The following RPE variants were observed in gnomAD, a reference collection of about 807,000 sequenced individuals.
The protein encoded by RPE is ribulose-5-phosphate-3-epimerase.
A neutral mutation model predicts 24.6 loss-of-function variants in RPE; 16 were observed. That is an observed-to-expected ratio of 0.65 (90% CI 0.44 to 0.99). The LOEUF is 0.99. Ranked by LOEUF, RPE falls within the 50% of genes least tolerant of loss-of-function variation. The pLI, the probability that RPE is intolerant of heterozygous loss-of-function variation, is 0.00. For missense variants in RPE, 240 were observed against 294.5 expected, an observed-to-expected ratio of 0.81 and a Z score of 1.35; for synonymous variants, 93 against 98.4, an observed-to-expected ratio of 0.94 and a Z score of 0.33.
chr2:210,021,969 A>C lies in RPE; in HGVS notation c.*2178A>C. 1 of 151,640 alleles carries C rather than the reference A, an allele frequency of 6.6e-6. No individual in the cohort carries two copies. The highest frequency in any genetic ancestry group is 1.5e-5 in the Non-Finnish European group (1 of 67,862). The allele number at this position is 151,640 out of a possible 1,614,324, so 9.4% of individuals were successfully genotyped here. On this transcript the variant is annotated 3_prime_UTR_variant, in exon 6 of 6. Transcript: ENST00000359429. ...CTAGAAATAGAAATCAGCCAGAATT[A>C]ACTAATTTCTTGCTAATCTAGAAAT...
chr2:210,013,710 A>C (rs1314409596), intron 2 of RPE, among the ~76,000 whole-genome samples: 1 of 152,156 alleles, frequency 6.6e-6, no homozygotes, highest in South Asian at 2.1e-4. Context: ...ATAATTTTTA[A>C]GAGTGTAAAC....
Position 210,021,416 on chromosome 2 carries a change from A to G in RPE, c.*1625A>G, listed in dbSNP as rs1575333242. The G allele has an allele frequency of 6.5e-6, 1 of 152,712 alleles. No homozygotes were observed. The highest frequency in any genetic ancestry group is 1.9e-4 in the East Asian group (1 of 5,192). 9.5% of individuals were successfully genotyped at this position (152,712 alleles called of 1,614,324 possible). On this transcript the variant is annotated 3_prime_UTR_variant, in exon 6 of 6. Coordinates refer to ENST00000359429, the MANE Select transcript of RPE (RefSeq NM_199229.3). ...TACGTCGCATTTAATAACAAGCAAC[A>G]CACGGCATATAGAAATAACTTTAAT... is the stretch of plus-strand genomic sequence containing the variant.
chr2:210,015,577 TAGCTCGATAAATTGAA>T (rs1282460246), intron 2 of RPE, among the ~76,000 whole-genome samples: 2 of 152,294 alleles, frequency 1.3e-5, no homozygotes, highest in Middle Eastern at 3.4e-3. Context: ...GATGCAGCAA[TAGCTCGATAAATTGAA>T]AGAATAAATG....
At chr2:210,004,045 C>T (rs538059071) in intron 1 of RPE, among the ~76,000 whole-genome samples, 1 of 152,226 alleles carries the variant, frequency 6.6e-6, no homozygotes, top group African/African-American at 2.4e-5. Flanking sequence ...TACTTATATA[C>T]TTTATTTTTG....
chr2:210,003,171 C>T lies in RPE; in HGVS notation c.122+388C>T, dbSNP rs141696922. Among the ~76,000 whole-genome samples the T allele has an allele frequency of 1.5e-3, 221 of 152,344 alleles. 1 individual carries two copies. The highest frequency in any genetic ancestry group is 5.1e-3 in the African/African-American group (212 of 41,590). On this transcript the variant is annotated intron_variant, in intron 1 of 5. Transcript: ENST00000359429. ...GTGGCAAAGCTGGGGAAACAGACTT[C>T]TCTAACGATTTAAGTTGGCACCTGC...
chr2:210,011,945 G>A (rs2093706228), intron 2 of RPE, among the ~76,000 whole-genome samples: 1 of 151,396 alleles, frequency 6.6e-6, no homozygotes, highest in Non-Finnish European at 1.5e-5. Flanking sequence ...GCTTCCCAAA[G>A]TGTTGTGATA....
intron 1 of RPE, 46 bp downstream of exon 1, chr2:210,002,829 A>T: frequency 6.2e-7 from 1 of 1,613,806 alleles, no homozygotes. Flanking sequence ...GGCGGGGCGG[A>T]TCAGTGCACC....
In RPE at chr2:210,002,756, A is replaced by C. The variant is rs1304610490; in HGVS notation, c.95A>C (p.Asp32Ala). ...ECLRMLDSGA[D>A]YLHLDVMDGH... ...CTCCGGATGCTAGACTCTGGGGCCG[A>C]TTATCTGCACCTGGACGTAATGGAC... Residue 32 changes from aspartate to alanine, a missense_variant, in exon 1 of 6, where the codon GAT becomes GCT. Transcript: ENST00000359429. The C allele has an allele frequency of 8.1e-6, 13 of 1,614,030 alleles. No individual in the cohort carries two copies. The highest frequency in any genetic ancestry group is 1.1e-5 in the Non-Finnish European group (13 of 1,179,984).
At position 210,006,426 on chromosome 2, in the gene RPE, G is replaced by GCAT. The variant is rs1468700024; in HGVS notation, c.123-3230_123-3228dup. 3.3e-5 allele frequency among the ~76,000 whole-genome samples: 5 copies of GCAT among 152,150 alleles called. No homozygotes were observed. The East Asian group carries it at 9.6e-4, about 29-fold the overall frequency. ...TGGGTTTTTTTTTGAGACTACTGAT[G>GCAT]CATTCTTGTTCTTCCAATATACTTC... is the stretch of plus-strand genomic sequence containing the variant. On this transcript the variant is annotated intron_variant, in intron 1 of 5. Transcript: ENST00000359429.
intron 2 of RPE, among the ~76,000 whole-genome samples, chr2:210,013,859 A>T (rs954881125): frequency 6.6e-6 from 1 of 152,114 alleles, no homozygotes; most frequent in African/African-American, 2.4e-5. Context: ...TTTAATCAGC[A>T]TATTGTTGAC....
At chr2:210,013,960 A>G (rs556178065) in intron 2 of RPE, among the ~76,000 whole-genome samples, 1 of 152,356 alleles carries the variant, frequency 6.6e-6, no homozygotes, top group South Asian at 2.1e-4. Flanking sequence ...GATTTGCTGA[A>G]CCATTGACTC....
intron 1 of RPE, 89 bp downstream of exon 1, chr2:210,002,872 C>G (rs1037100265): frequency 2.5e-6 from 4 of 1,605,418 alleles, no homozygotes; most frequent in Admixed American, 1.7e-5. Context: ...TACCGCGTCC[C>G]TGTACCACCG....
intron 1 of RPE, among the ~76,000 whole-genome samples, chr2:210,007,688 C>T (rs1057001962): frequency 2.6e-5 from 4 of 152,304 alleles, no homozygotes; most frequent in African/African-American, 9.6e-5. Context: ...ATCTCATGAA[C>T]TTCTTTCTTA....
chr2:210,016,400 A>T (rs2093772896), intron 3 of RPE, 107 bp from the exon 4 acceptor site: 2 of 1,571,716 alleles, frequency 1.3e-6, no homozygotes, highest in African/African-American at 1.4e-5. Flanking sequence ...TAGTCTTGTT[A>T]ACTTTTAAAA....
At chr2:210,011,625 G>A (rs959575140) in intron 2 of RPE, among the ~76,000 whole-genome samples, 2 of 152,106 alleles carry the variant, frequency 1.3e-5, no homozygotes, top group Admixed American at 6.6e-5. Context: ...TCACTTTAAT[G>A]TTTGGGTTTT....
intron 1 of RPE, chr2:210,003,334 C>G: frequency 2.0e-6 from 1 of 504,288 alleles, no homozygotes; most frequent in Non-Finnish European, 3.2e-6. Flanking sequence ...ATGAAATGAG[C>G]GAGTACATGA....
intron 1 of RPE, among the ~76,000 whole-genome samples, chr2:210,003,197 G>C (rs1222090086): frequency 6.6e-6 from 1 of 152,148 alleles, no homozygotes. Flanking sequence ...TGGCACCTGC[G>C]GTTAGGTTCC....
At chr2:210,010,824 A>G (rs2093689748) in intron 2 of RPE, among the ~76,000 whole-genome samples, 1 of 152,202 alleles carries the variant, frequency 6.6e-6, no homozygotes, top group South Asian at 2.1e-4. Context: ...AGGCTGAGGC[A>G]TGAGAATCAC....
chr2:210,018,396 CTT>C (rs369682905), intron 5 of RPE: 313 of 842,742 alleles, frequency 3.7e-4, no homozygotes, highest in Middle Eastern at 6.2e-4. Context: ...CTTTTTTTTA[CTT>C]TTTTTTTTTT....
Sources: allele counts gnomAD v4.1 joint callset (sites outside exome capture counted in the v4.1 genomes callset), GRCh38; gene constraint gnomAD v4.1.1; transcripts MANE v1.5; gene names NCBI Gene and HGNC (gene_info 2026-07-23, HGNC 2026-07-21).